The following PPP1R9A variants were observed in gnomAD, a reference collection of about 807,000 sequenced individuals.
The protein encoded by PPP1R9A is neurabin-1.
Under a neutral mutation model 141.9 loss-of-function variants are expected in PPP1R9A, and 59 were observed. That is an observed-to-expected ratio of 0.42 (90% CI 0.34 to 0.52). The LOEUF is 0.52. PPP1R9A is among the 20% of genes least tolerant of loss of function. The probability of loss-of-function intolerance (pLI) is 0.10; values close to 1 mark genes in which losing one functional copy is unlikely to be tolerated. For synonymous variants in PPP1R9A, 500 were observed against 569.7 expected (o/e 0.88, Z 1.74); for missense variants, 1,444 against 1,611.9 (o/e 0.90, Z 1.78).
chr7:95,245,941 A>G (rs909865837), intron 8 of PPP1R9A, among the ~76,000 whole-genome samples: 2 of 152,174 alleles, frequency 1.3e-5, no homozygotes, highest in South Asian at 4.1e-4. Flanking sequence ...GGAAGAATGT[A>G]AGCAGTGTGA....
At chr7:95,266,890 T>C (rs1332901566) in intron 12 of PPP1R9A, among the ~76,000 whole-genome samples, 4 of 152,122 alleles carry the variant, frequency 2.6e-5, no homozygotes, top group Non-Finnish European at 4.4e-5. Flanking sequence ...GCTACAAATA[T>C]AGATTTTATC....
chr7:95,149,856 CT>C (rs1293088306), intron 4 of PPP1R9A, among the ~76,000 whole-genome samples: 1 of 151,218 alleles, frequency 6.6e-6, no homozygotes, highest in African/African-American at 2.4e-5. Flanking sequence ...CAAATTGATT[CT>C]AAAGTTTATA....
At chr7:95,063,298 C>T (rs1424878104) in intron 2 of PPP1R9A, among the ~76,000 whole-genome samples, 1 of 152,166 alleles carries the variant, frequency 6.6e-6, no homozygotes, top group Non-Finnish European at 1.5e-5. Flanking sequence ...GAATGGCTCA[C>T]ACCTGTAATA....
chr7:95,070,620 CACACATATATATA>C (rs1204058486), intron 2 of PPP1R9A, among the ~76,000 whole-genome samples: 1 of 79,094 alleles, frequency 1.3e-5, no homozygotes, highest in Non-Finnish European at 2.9e-5. Context: ...TACACACACA[CACACATATATATA>C]AGGTGTTTTT....
intron 4 of PPP1R9A, among the ~76,000 whole-genome samples, chr7:95,149,211 A>G (rs1395894234): frequency 6.6e-6 from 1 of 152,014 alleles, no homozygotes; most frequent in African/African-American, 2.4e-5. Context: ...TATGAGAAAA[A>G]CTCTAAGTAT....
intron 2 of PPP1R9A, among the ~76,000 whole-genome samples, chr7:95,061,949 C>T (rs559533964): frequency 6.6e-6 from 1 of 152,290 alleles, no homozygotes; most frequent in South Asian, 2.1e-4. Context: ...CTTGAACAAA[C>T]TTGTATGACC....
intron 4 of PPP1R9A, among the ~76,000 whole-genome samples, chr7:95,151,208 C>T (rs532068506): frequency 6.6e-6 from 1 of 152,308 alleles, no homozygotes; most frequent in South Asian, 2.1e-4. Context: ...TTTATAACTA[C>T]TCCAGTTTGG....
At chr7:95,216,501 A>C (rs1378796714) in intron 7 of PPP1R9A, among the ~76,000 whole-genome samples, 3 of 152,218 alleles carry the variant, frequency 2.0e-5, no homozygotes, top group African/African-American at 7.2e-5. Flanking sequence ...AGTTCTGTGA[A>C]GAAAGTCATT....
chr7:95,093,167 G>T lies in PPP1R9A; in HGVS notation c.1396-18092G>T, dbSNP rs151101457. Reference sequence around the variant, plus strand: ...GGGAGAGGACAGGCACCAACAGATAGACTTTCTCAGGATAGACCACCATGA... The same window carrying T: ...GGGAGAGGACAGGCACCAACAGATATACTTTCTCAGGATAGACCACCATGA... On this transcript the variant is annotated intron_variant, in intron 2 of 19. Transcript: ENST00000433360. 1.6e-4 allele frequency among the ~76,000 whole-genome samples: 25 copies of T among 152,118 alleles called. 1 individual carries two copies. The highest frequency in any genetic ancestry group is 1.6e-3 in the Admixed American group (24 of 15,260).
At chr7:95,242,715 A>G (rs569503621) in intron 8 of PPP1R9A, among the ~76,000 whole-genome samples, 29 of 152,168 alleles carry the variant, frequency 1.9e-4, no homozygotes, top group Non-Finnish European at 3.8e-4. Context: ...TGGCTTTCAT[A>G]TTAAAGATGA....
At chr7:95,055,806 C>T (rs766869455) in intron 2 of PPP1R9A, among the ~76,000 whole-genome samples, 5 of 152,094 alleles carry the variant, frequency 3.3e-5, no homozygotes, top group Admixed American at 3.3e-4. Flanking sequence ...ACAATACACT[C>T]TAAGTTTGAC....
In PPP1R9A at chr7:95,111,401, T is replaced by C; in HGVS notation, c.1528+10T>C. The C allele has an allele frequency of 6.2e-7, 1 of 1,610,770 alleles. No homozygotes were observed. Among genetic ancestry groups the C allele is most frequent in the Non-Finnish European group, 8.5e-7 (1 of 1,177,808 alleles). ...GTGGAGCTAGAGAAAGGTTCGTGAG[T>C]GCTACAGTGTTAATATCATTATGTT... On this transcript the variant is annotated intron_variant, in intron 3 of 19. Coordinates refer to ENST00000433360, the MANE Select transcript of PPP1R9A (RefSeq NM_001166160.2).
rs533244783 is a variant in PPP1R9A, at chr7:94,983,561, T to G, written c.1395+72053T>G. Among the ~76,000 whole-genome samples, 15 of 152,204 alleles carry G rather than the reference T, an allele frequency of 9.9e-5. No homozygotes were observed. In the East Asian group the frequency reaches 1.7e-3, roughly 18 times the overall value. On this transcript the variant is annotated intron_variant, in intron 2 of 19. Coordinates refer to ENST00000433360, the MANE Select transcript of PPP1R9A (RefSeq NM_001166160.2). ...GGTCGTTCACATCCCTTGTAAGTTG[T>G]ATTCCTGGGTATTTTATTCTCTTTG...
intron 17 of PPP1R9A, 93 bp downstream of exon 17, chr7:95,284,423 G>A: frequency 8.4e-7 from 1 of 1,187,030 alleles, no homozygotes; most frequent in Admixed American, 2.8e-5. Context: ...CTGTTTCATT[G>A]TAGATTGTAC....
intron 2 of PPP1R9A, among the ~76,000 whole-genome samples, chr7:94,935,409 T>C (rs1794663245): frequency 6.6e-6 from 1 of 152,204 alleles, no homozygotes; most frequent in South Asian, 2.1e-4. Context: ...AAAATGGTTC[T>C]GTGGTTGAAT....
At chr7:95,189,094 G>A (rs1835082026) in intron 5 of PPP1R9A, among the ~76,000 whole-genome samples, 1 of 152,110 alleles carries the variant, frequency 6.6e-6, no homozygotes, top group South Asian at 2.1e-4. Context: ...TTTTGTTTGA[G>A]GATGCTAAAG....
At chr7:95,083,998 A>G (rs1816277888) in intron 2 of PPP1R9A, among the ~76,000 whole-genome samples, 1 of 152,062 alleles carries the variant, frequency 6.6e-6, no homozygotes, top group Non-Finnish European at 1.5e-5. Context: ...AGGAATAAAA[A>G]TAAAGACGAC....
At chr7:94,920,366 ATT>A (rs66814698) in intron 2 of PPP1R9A, among the ~76,000 whole-genome samples, 73 of 148,986 alleles carry the variant, frequency 4.9e-4, no homozygotes, top group South Asian at 8.5e-4. Flanking sequence ...AATATTGATA[ATT>A]TTTTTTTTTT....
At chr7:94,930,130 C>T (rs1222057447) in intron 2 of PPP1R9A, among the ~76,000 whole-genome samples, 1 of 152,006 alleles carries the variant, frequency 6.6e-6, no homozygotes, top group Non-Finnish European at 1.5e-5. Context: ...GGCTGTGGAT[C>T]TGAGTGTTAG....
Sources: allele counts gnomAD v4.1 joint callset (sites outside exome capture counted in the v4.1 genomes callset), GRCh38; gene constraint gnomAD v4.1.1; transcripts MANE v1.5; gene names NCBI Gene and HGNC (gene_info 2026-07-23, HGNC 2026-07-21).